CDC14A: variants seen among roughly 807,000 people sequenced by gnomAD.
CDC14A encodes cell division cycle 14A.
In CDC14A, 53 loss-of-function variants were observed where a neutral mutation model predicts 74.4. The observed-to-expected ratio is 0.71, with a 90% CI of 0.57 to 0.89. The LOEUF is 0.89. CDC14A is among the 40% of genes least tolerant of loss of function. CDC14A has a pLI of 0.00. For synonymous variants in CDC14A, 247 were observed against 258.4 expected (o/e 0.96, Z 0.43); for missense variants, 646 against 713.7 (o/e 0.91, Z 1.08).
intron 8 of CDC14A, among the ~76,000 whole-genome samples, chr1:100,461,431 T>G (rs1434093409): frequency 7.4e-6 from 1 of 135,244 alleles, no homozygotes; most frequent in African/African-American, 3.5e-5. Flanking sequence ...AACAGTCTGG[T>G]TCACTTTGCT....
At chr1:100,447,459 T>G (rs764360572) in intron 7 of CDC14A, among the ~76,000 whole-genome samples, 6 of 152,200 alleles carry the variant, frequency 3.9e-5, no homozygotes, top group Non-Finnish European at 5.9e-5. Flanking sequence ...CAAAAGTAAC[T>G]GTGAGATGGT....
intron 2 of CDC14A, among the ~76,000 whole-genome samples, chr1:100,361,497 C>A (rs1652745807): frequency 6.6e-6 from 1 of 152,170 alleles, no homozygotes; most frequent in Non-Finnish European, 1.5e-5. Flanking sequence ...CCAGTACTAC[C>A]TGTTTTTGCT....
intron 10 of CDC14A, among the ~76,000 whole-genome samples, chr1:100,474,628 T>C (rs1668713433): frequency 6.6e-6 from 1 of 151,180 alleles, no homozygotes; most frequent in South Asian, 2.1e-4. Context: ...TTTTAAAGTA[T>C]TCCTTTATGT....
intron 2 of CDC14A, among the ~76,000 whole-genome samples, chr1:100,376,971 G>A (rs1314552470): frequency 6.6e-6 from 1 of 150,640 alleles, no homozygotes. Flanking sequence ...TCTTTAGTGT[G>A]TTTACTTAAA....
chr1:100,513,981 T>C (rs1055895340), intron 15 of CDC14A, among the ~76,000 whole-genome samples: 1 of 152,170 alleles, frequency 6.6e-6, no homozygotes, highest in Admixed American at 6.5e-5. Flanking sequence ...CATTATTAAT[T>C]TTATGGTATT....
chr1:100,483,697 TGAAA>T (rs748573402), intron 10 of CDC14A, among the ~76,000 whole-genome samples: 33 of 152,196 alleles, frequency 2.2e-4, no homozygotes, highest in Non-Finnish European at 4.3e-4. Context: ...CCTTAATGAA[TGAAA>T]GAAAGTTTAT....
intron 5 of CDC14A, among the ~76,000 whole-genome samples, chr1:100,435,990 C>T (rs1306012752): frequency 1.3e-5 from 2 of 152,072 alleles, no homozygotes; most frequent in African/African-American, 4.8e-5. Flanking sequence ...TGTTTAAATT[C>T]TGTTGGAAAG....
intron 4 of CDC14A, among the ~76,000 whole-genome samples, chr1:100,415,182 T>G (rs1661373914): frequency 6.6e-6 from 1 of 152,182 alleles, no homozygotes; most frequent in Admixed American, 6.5e-5. Flanking sequence ...CTCCCTAAAT[T>G]GCCCATCAAA....
chr1:100,437,359 C>A (rs1043646478), intron 5 of CDC14A, among the ~76,000 whole-genome samples: 7 of 152,128 alleles, frequency 4.6e-5, no homozygotes, highest in Admixed American at 6.5e-5. Context: ...TAAGCCATTT[C>A]TTTCTTGTCC....
chr1:100,428,554 A>G (rs1253070780), intron 5 of CDC14A, among the ~76,000 whole-genome samples: 1 of 152,176 alleles, frequency 6.6e-6, no homozygotes, highest in Non-Finnish European at 1.5e-5. Flanking sequence ...CTTTCAGTGT[A>G]CTACTAAATT....
chr1:100,497,979 G>A, intron 13 of CDC14A, 106 bp from the exon 14 acceptor site: 1 of 1,244,590 alleles, frequency 8.0e-7, no homozygotes, highest in East Asian at 2.4e-5. Flanking sequence ...ATTAGGACCT[G>A]TCATGATATC....
At chr1:100,391,700 C>T (rs1484218526) in intron 4 of CDC14A, among the ~76,000 whole-genome samples, 1 of 152,170 alleles carries the variant, frequency 6.6e-6, no homozygotes, top group Non-Finnish European at 1.5e-5. Flanking sequence ...GAAGAGGGCA[C>T]CAGCTACTAG....
intron 1 of CDC14A, among the ~76,000 whole-genome samples, chr1:100,345,492 A>G (rs991548965): frequency 6.6e-6 from 1 of 152,174 alleles, no homozygotes; most frequent in Non-Finnish European, 1.5e-5. Context: ...AACAGAGTCC[A>G]AAATAATGCA....
At chr1:100,480,716 TG>T (rs1485220254) in intron 10 of CDC14A, among the ~76,000 whole-genome samples, 2 of 152,188 alleles carry the variant, frequency 1.3e-5, no homozygotes, top group Admixed American at 1.3e-4. Flanking sequence ...AGGTTAGAGA[TG>T]GGGGAAAAGG....
At chr1:100,479,335 T>C (rs970135462) in intron 10 of CDC14A, among the ~76,000 whole-genome samples, 4 of 152,152 alleles carry the variant, frequency 2.6e-5, no homozygotes, top group African/African-American at 9.7e-5. Flanking sequence ...CATGGATGAA[T>C]TGTATAGCAT....
At chr1:100,466,871 C>CAAAAAA (rs11382441) in intron 9 of CDC14A, among the ~76,000 whole-genome samples, 3 of 87,286 alleles carry the variant, frequency 3.4e-5, no homozygotes, top group East Asian at 2.9e-4. Context: ...ACTCGGTCTC[C>CAAAAAA]AAAAAAAAAA....
chr1:100,392,520 G>A (rs1184022219), intron 4 of CDC14A, among the ~76,000 whole-genome samples: 7 of 151,750 alleles, frequency 4.6e-5, no homozygotes. Flanking sequence ...TCTACCCAAA[G>A]TGTTCAGGAC....
intron 11 of CDC14A, among the ~76,000 whole-genome samples, chr1:100,490,356 A>C (rs533940156): frequency 6.6e-6 from 1 of 152,314 alleles, no homozygotes; most frequent in East Asian, 1.9e-4. Context: ...TTAATCACTG[A>C]GAATTTTATA....
At chr1:100,372,664 C>T (rs1199664055) in intron 2 of CDC14A, among the ~76,000 whole-genome samples, 1 of 152,204 alleles carries the variant, frequency 6.6e-6, no homozygotes, top group African/African-American at 2.4e-5. Context: ...ATTTCCACCA[C>T]ATCTGCAGTT....
Sources: allele counts gnomAD v4.1 joint callset (sites outside exome capture counted in the v4.1 genomes callset), GRCh38; gene constraint gnomAD v4.1.1; transcripts MANE v1.5; gene names NCBI Gene and HGNC (gene_info 2026-07-23, HGNC 2026-07-21).